GALNTL6: variants seen among roughly 807,000 people sequenced by gnomAD.
GALNTL6 encodes polypeptide N-acetylgalactosaminyltransferase-like 6.
GALNTL6 carries 46 observed loss-of-function variants against 73.7 expected under a neutral mutation model. The ratio of observed to expected loss-of-function variants is 0.62; its 90% CI spans 0.49 to 0.80. The LOEUF is 0.80. Ranked by LOEUF, GALNTL6 falls within the 30% of genes least tolerant of loss-of-function variation. The probability of loss-of-function intolerance (pLI) is 0.00; values close to 1 mark genes in which losing one functional copy is unlikely to be tolerated. For missense variants in GALNTL6, 604 were observed against 755.0 expected, an observed-to-expected ratio of 0.80 and a Z score of 2.34; for synonymous variants, 259 against 263.7, an observed-to-expected ratio of 0.98 and a Z score of 0.17.
chr4:171,872,358 G>A (rs1246759291), intron 2 of GALNTL6, among the ~76,000 whole-genome samples: 1 of 152,048 alleles, frequency 6.6e-6, no homozygotes, highest in Admixed American at 6.6e-5. Context: ...CTAAATAATG[G>A]CAGTTTTTAT....
At chr4:171,832,124 T>C (rs1287777950) in intron 2 of GALNTL6, among the ~76,000 whole-genome samples, 1 of 151,418 alleles carries the variant, frequency 6.6e-6, no homozygotes, top group Non-Finnish European at 1.5e-5. Flanking sequence ...TCCATGGAAA[T>C]TGGTTTTCAT....
intron 2 of GALNTL6, among the ~76,000 whole-genome samples, chr4:172,164,535 C>T (rs981695820): frequency 2.0e-5 from 3 of 151,876 alleles, no homozygotes; most frequent in African/African-American, 7.2e-5. Context: ...AAGTTTACTA[C>T]TTTTCAAGTT....
intron 5 of GALNTL6, among the ~76,000 whole-genome samples, chr4:172,439,571 T>G: frequency 6.6e-6 from 1 of 151,834 alleles, no homozygotes; most frequent in East Asian, 1.9e-4. Flanking sequence ...ACTTCTTTAT[T>G]GGTTCTATCT....
At chr4:172,706,139 G>A (rs1296877273) in intron 5 of GALNTL6, among the ~76,000 whole-genome samples, 3 of 151,880 alleles carry the variant, frequency 2.0e-5, no homozygotes, top group Admixed American at 2.0e-4. Flanking sequence ...CTCTAGATTT[G>A]TAAGCATTCT....
intron 5 of GALNTL6, among the ~76,000 whole-genome samples, chr4:172,802,114 TC>T (rs79695507): frequency 0.17 from 26,608 of 152,138 alleles, 2,748 homozygotes; most frequent in East Asian, 0.25. Context: ...CCAATTGTAT[TC>T]CTGCTGTGTC....
chr4:172,172,449 G>A (rs1444576306), intron 2 of GALNTL6, among the ~76,000 whole-genome samples: 2 of 151,954 alleles, frequency 1.3e-5, no homozygotes, highest in Non-Finnish European at 2.9e-5. Context: ...TGCCTGCCTT[G>A]GCCTCCCAAA....
intron 5 of GALNTL6, among the ~76,000 whole-genome samples, chr4:172,626,272 A>C (rs1418271492): frequency 6.6e-6 from 1 of 152,090 alleles, no homozygotes; most frequent in Non-Finnish European, 1.5e-5. Flanking sequence ...TATTGAATAG[A>C]AAGTCCTTTC....
chr4:172,593,759 C>T (rs947803217), intron 5 of GALNTL6, among the ~76,000 whole-genome samples: 1 of 150,688 alleles, frequency 6.6e-6, no homozygotes, highest in African/African-American at 2.4e-5. Flanking sequence ...GACGGAGTTT[C>T]GCTCTTGTTG....
At chr4:171,824,656 A>T (rs188398219) in intron 2 of GALNTL6, among the ~76,000 whole-genome samples, 1 of 152,304 alleles carries the variant, frequency 6.6e-6, no homozygotes, top group East Asian at 1.9e-4. Flanking sequence ...GAAAAAGAGA[A>T]AAAACATGTT....
intron 3 of GALNTL6, among the ~76,000 whole-genome samples, chr4:172,297,991 A>G (rs982376561): frequency 6.6e-6 from 1 of 152,182 alleles, no homozygotes; most frequent in Non-Finnish European, 1.5e-5. Context: ...TGAGCATGGA[A>G]TGTTCTTCCA....
chr4:172,541,932 G>C (rs961297382), intron 5 of GALNTL6, among the ~76,000 whole-genome samples: 6 of 151,860 alleles, frequency 4.0e-5, no homozygotes, highest in Non-Finnish European at 1.5e-5. Flanking sequence ...ATTTTCTACT[G>C]GGAGACTGCT....
chr4:172,577,456 A>T (rs1736998840), intron 5 of GALNTL6, among the ~76,000 whole-genome samples: 1 of 152,186 alleles, frequency 6.6e-6, no homozygotes, highest in African/African-American at 2.4e-5. Context: ...ACATCACTGT[A>T]TAATATATGA....
intron 5 of GALNTL6, among the ~76,000 whole-genome samples, chr4:172,718,184 G>A (rs1469804006): frequency 6.6e-6 from 1 of 152,154 alleles, no homozygotes; most frequent in African/African-American, 2.4e-5. Context: ...TAATTCAGAA[G>A]AATCTACTTC....
chr4:171,977,904 T>C (rs1336242013), intron 2 of GALNTL6, among the ~76,000 whole-genome samples: 2 of 152,208 alleles, frequency 1.3e-5, no homozygotes, highest in Admixed American at 1.3e-4. Context: ...TGTTTTGTTT[T>C]GAATATATTA....
At chr4:172,276,937 G>T (rs1271405177) in intron 3 of GALNTL6, among the ~76,000 whole-genome samples, 3 of 151,962 alleles carry the variant, frequency 2.0e-5, no homozygotes, top group Non-Finnish European at 2.9e-5. Context: ...ACTATTTATA[G>T]CCTCATCTTA....
At chr4:173,031,462 C>T (rs1753456227) in intron 12 of GALNTL6, among the ~76,000 whole-genome samples, 1 of 152,054 alleles carries the variant, frequency 6.6e-6, no homozygotes, top group Admixed American at 6.6e-5. Flanking sequence ...GAATTTTTCT[C>T]TGCTTTCTTT....
intron 3 of GALNTL6, among the ~76,000 whole-genome samples, chr4:172,287,764 A>G (rs1014029324): frequency 6.6e-6 from 1 of 152,176 alleles, no homozygotes; most frequent in Admixed American, 6.5e-5. Flanking sequence ...CTGCTTTGAA[A>G]TAATGCTTAA....
chr4:172,993,514 G>A (rs1172279105), intron 10 of GALNTL6, among the ~76,000 whole-genome samples: 1 of 152,198 alleles, frequency 6.6e-6, no homozygotes, highest in Non-Finnish European at 1.5e-5. Context: ...CTGGCATGAG[G>A]TTACATTACA....
intron 2 of GALNTL6, among the ~76,000 whole-genome samples, chr4:171,971,402 G>A (rs1051232494): frequency 2.0e-5 from 3 of 152,106 alleles, no homozygotes; most frequent in Non-Finnish European, 1.5e-5. Flanking sequence ...CTGTTGTTTC[G>A]TTTTTTGAGG....
Sources: gnomAD v4.1 joint callset for allele counts (sites outside exome capture counted in the v4.1 genomes callset) on GRCh38, gnomAD v4.1.1 for gene constraint, MANE v1.5 for transcripts, NCBI Gene and HGNC (gene_info 2026-07-23, HGNC 2026-07-21) for gene names.